Variants in PARD3 observed in about 807,000 individuals in gnomAD.
PARD3 encodes par-3 family cell polarity regulator.
A neutral mutation model predicts 155.4 loss-of-function variants in PARD3; 75 were observed. The ratio of observed to expected loss-of-function variants is 0.48; its 90% CI spans 0.40 to 0.58. PARD3 has a LOEUF of 0.58. PARD3 is among the 20% of genes least tolerant of loss of function. The probability of loss-of-function intolerance (pLI) is 0.00; values close to 1 mark genes in which losing one functional copy is unlikely to be tolerated. For synonymous variants in PARD3, 576 were observed against 610.5 expected, an observed-to-expected ratio of 0.94 and a Z score of 0.83; for missense variants, 1,642 against 1,721.7, an observed-to-expected ratio of 0.95 and a Z score of 0.82.
chr10:34,348,822 A>G (rs1837699507), intron 14 of PARD3, among the ~76,000 whole-genome samples: 1 of 152,256 alleles, frequency 6.6e-6, no homozygotes, highest in Admixed American at 6.5e-5. Flanking sequence ...AGGATTTCAA[A>G]AACATATACA....
At chr10:34,269,327 T>C (rs1262093838) in intron 22 of PARD3, among the ~76,000 whole-genome samples, 1 of 152,174 alleles carries the variant, frequency 6.6e-6, no homozygotes, top group Admixed American at 6.5e-5. Flanking sequence ...CTCCTAGCAA[T>C]AAAAGGACAT....
chr10:34,214,331 A>C (rs1037838579), intron 22 of PARD3, among the ~76,000 whole-genome samples: 4 of 152,206 alleles, frequency 2.6e-5, no homozygotes, highest in Non-Finnish European at 5.9e-5. Context: ...TGCCATTATT[A>C]GTCTGGCTAT....
At position 34,269,902 on chromosome 10, in the gene PARD3, A is replaced by T. The variant is rs770353940; in HGVS notation, c.3177-3T>A. The T allele has an allele frequency of 5.6e-6, 9 of 1,613,018 alleles. No homozygotes were observed. The highest frequency in any genetic ancestry group is 6.8e-6 in the Non-Finnish European group (8 of 1,179,462). On this transcript the variant is annotated splice_polypyrimidine_tract_variant and splice_region_variant and intron_variant, in intron 21 of 24. Transcript: ENST00000374788. The stretch of plus-strand genomic sequence containing the variant: ...ATTCTCGAGTTTTGGCTTGAATCCT[A>T]TGAAATCAGAACAAAGTTGAAATAA...
intron 2 of PARD3, among the ~76,000 whole-genome samples, chr10:34,662,547 T>A (rs1564474807): frequency 6.6e-6 from 1 of 152,110 alleles, no homozygotes; most frequent in Non-Finnish European, 1.5e-5. Context: ...ATCTGGTACA[T>A]ACACACAATG....
intron 22 of PARD3, among the ~76,000 whole-genome samples, chr10:34,230,382 T>A (rs1300574592): frequency 1.3e-5 from 2 of 152,104 alleles, no homozygotes; most frequent in Non-Finnish European, 2.9e-5. Flanking sequence ...GAAGGCAGAT[T>A]CCGTTCTAAA....
chr10:34,567,933 C>A (rs1265461366), intron 2 of PARD3, among the ~76,000 whole-genome samples: 4 of 152,308 alleles, frequency 2.6e-5, no homozygotes, highest in African/African-American at 7.2e-5. Context: ...AGGAACGTGT[C>A]CTTGTATCCT....
intron 22 of PARD3, among the ~76,000 whole-genome samples, chr10:34,207,909 A>AT (rs980502073): frequency 3.9e-5 from 6 of 152,204 alleles, no homozygotes; most frequent in Admixed American, 1.3e-4. Context: ...GAAAATAGAC[A>AT]TTTTTCTGTC....
At chr10:34,616,245 A>G (rs2091244187) in intron 2 of PARD3, among the ~76,000 whole-genome samples, 1 of 152,106 alleles carries the variant, frequency 6.6e-6, no homozygotes, top group African/African-American at 2.4e-5. Flanking sequence ...TGAACCCAGG[A>G]GGTGGACTTT....
intron 1 of PARD3, among the ~76,000 whole-genome samples, chr10:34,787,774 C>G (rs1251695650): frequency 1.4e-5 from 2 of 140,154 alleles, no homozygotes; most frequent in Non-Finnish European, 3.1e-5. Flanking sequence ...AACCAACATC[C>G]TTTTTTTTTT....
intron 1 of PARD3, among the ~76,000 whole-genome samples, chr10:34,752,476 A>G (rs781634257): frequency 3.9e-5 from 6 of 152,002 alleles, no homozygotes; most frequent in Non-Finnish European, 7.4e-5. Flanking sequence ...TATTATTTAT[A>G]AGCTTTTAAG....
intron 20 of PARD3, among the ~76,000 whole-genome samples, chr10:34,315,479 G>GT (rs1400327496): frequency 1.3e-5 from 2 of 152,224 alleles, no homozygotes; most frequent in Admixed American, 1.3e-4. Context: ...AGAGCTTTCA[G>GT]TAAGACGTCA....
chr10:34,669,088 A>T (rs2093558701), intron 2 of PARD3, among the ~76,000 whole-genome samples: 1 of 152,190 alleles, frequency 6.6e-6, no homozygotes, highest in East Asian at 1.9e-4. Context: ...CTACCATTTG[A>T]TCCAGCAATC....
intron 22 of PARD3, among the ~76,000 whole-genome samples, chr10:34,169,232 G>T (rs553133329): frequency 6.6e-6 from 1 of 152,316 alleles, no homozygotes; most frequent in South Asian, 2.1e-4. Context: ...ATAGAAAGAA[G>T]ATCTGTACAA....
chr10:34,595,322 A>G lies in PARD3; in HGVS notation c.223-78163T>C, dbSNP rs2089149919. Among the ~76,000 whole-genome samples the G allele has an allele frequency of 3.9e-5, 6 of 152,312 alleles. No individual in the cohort carries two copies. The South Asian group carries it at 1.2e-3, about 32-fold the overall frequency. Reference sequence around the variant, plus strand: ...ACTACAATAGAAATTTCCATTGCAAAATATTAATGGCCTAAGTATTTACTG... The same window carrying G: ...ACTACAATAGAAATTTCCATTGCAAGATATTAATGGCCTAAGTATTTACTG... On this transcript the variant is annotated intron_variant, in intron 2 of 24. Transcript: ENST00000374788.
chr10:34,281,592 G>A (rs1047169307), intron 21 of PARD3, among the ~76,000 whole-genome samples: 1 of 152,106 alleles, frequency 6.6e-6, no homozygotes, highest in Non-Finnish European at 1.5e-5. Context: ...GACAGAAAGG[G>A]AAGGAAGTTA....
At chr10:34,706,806 T>C (rs2094369847) in intron 1 of PARD3, among the ~76,000 whole-genome samples, 1 of 151,696 alleles carries the variant, frequency 6.6e-6, no homozygotes, top group African/African-American at 2.4e-5. Flanking sequence ...ACGAGATCCA[T>C]AAAGTATTTT....
chr10:34,564,044 G>T (rs1467821945), intron 2 of PARD3, among the ~76,000 whole-genome samples: 1 of 152,110 alleles, frequency 6.6e-6, no homozygotes, highest in Non-Finnish European at 1.5e-5. Context: ...GTCATAATGG[G>T]AAAAGCATAA....
chr10:34,157,981 C>G (rs891871818), intron 22 of PARD3, among the ~76,000 whole-genome samples: 6 of 152,188 alleles, frequency 3.9e-5, no homozygotes, highest in Admixed American at 3.9e-4. Flanking sequence ...AAAACTGCAA[C>G]AGATTATGAA....
intron 3 of PARD3, among the ~76,000 whole-genome samples, chr10:34,485,933 T>C (rs987017825): frequency 2.0e-5 from 3 of 149,370 alleles, no homozygotes; most frequent in African/African-American, 7.4e-5. Flanking sequence ...TTTTTTTTTT[T>C]TTTTTTTTGA....
Sources: allele counts gnomAD v4.1 joint callset (sites outside exome capture counted in the v4.1 genomes callset), GRCh38; gene constraint gnomAD v4.1.1; transcripts MANE v1.5; gene names NCBI Gene and HGNC (gene_info 2026-07-23, HGNC 2026-07-21).